EXOC6B: variants seen among roughly 807,000 people sequenced by gnomAD.
EXOC6B encodes exocyst complex component 6B.
EXOC6B carries 54 observed loss-of-function variants against 113.5 expected under a neutral mutation model. That is an observed-to-expected ratio of 0.48 (90% confidence interval 0.38 to 0.60). The LOEUF is 0.60. Ranked by LOEUF, EXOC6B falls within the 20% of genes least tolerant of loss-of-function variation. The pLI is 0.00. For missense variants in EXOC6B, 797 were observed against 977.5 expected, an observed-to-expected ratio of 0.82 and a Z score of 2.46; for synonymous variants, 357 against 339.0, an observed-to-expected ratio of 1.05 and a Z score of -0.58.
chr2:72,478,416 C>T (rs1375312199), intron 17 of EXOC6B, among the ~76,000 whole-genome samples: 1 of 152,202 alleles, frequency 6.6e-6, no homozygotes, highest in Non-Finnish European at 1.5e-5. Flanking sequence ...TTTCTGGAAA[C>T]AGTAGCTTAG....
In EXOC6B at chr2:72,401,562, T is replaced by TAC. The variant is rs1693230954; in HGVS notation, c.1981-21693_1981-21692insGT. Among the ~76,000 whole-genome samples, 11 of 32,108 alleles carry TAC rather than the reference T, an allele frequency of 3.4e-4. 1 individual carries two copies. In the South Asian group the frequency reaches 4.2e-3, roughly 12 times the overall value. 21.1% of individuals were successfully genotyped at this position (32,108 alleles called of 152,430 possible). A position where few individuals can be genotyped will look rare whatever the true frequency, so the allele number is the denominator to read the frequency against. On this transcript the variant is annotated intron_variant, in intron 18 of 21. Coordinates refer to ENST00000272427, the MANE Select transcript of EXOC6B (RefSeq NM_015189.3). ...ATATATATGTGTATATATATATATA[T>TAC]ATACATATATATATATATACATATA... is the stretch of plus-strand genomic sequence containing the variant.
chr2:72,798,839 T>A (rs12185603), intron 1 of EXOC6B, among the ~76,000 whole-genome samples: 3,412 of 152,180 alleles, frequency 0.022, 40 homozygotes, highest in Non-Finnish European at 0.032. Context: ...CCTGTGCAAC[T>A]GGGTAACAAC....
At chr2:72,530,271 T>C (rs940467712) in intron 8 of EXOC6B, among the ~76,000 whole-genome samples, 2 of 152,240 alleles carry the variant, frequency 1.3e-5, no homozygotes, top group African/African-American at 4.8e-5. Context: ...TTTAGTGCTA[T>C]AAATTTCATT....
chr2:72,187,436 A>G (rs6705261), intron 20 of EXOC6B, among the ~76,000 whole-genome samples: 14,818 of 151,912 alleles, frequency 0.098, 1,168 homozygotes, highest in African/African-American at 0.22. Flanking sequence ...ACAGACAAGC[A>G]GAGGATGAGA....
At chr2:72,476,351 C>T (rs1191947903) in intron 17 of EXOC6B, among the ~76,000 whole-genome samples, 1 of 152,206 alleles carries the variant, frequency 6.6e-6, no homozygotes, top group East Asian at 1.9e-4. Flanking sequence ...TATTGAATTA[C>T]AGTGTTCTCT....
chr2:72,441,934 G>A (rs926602795), intron 18 of EXOC6B, among the ~76,000 whole-genome samples: 1 of 152,136 alleles, frequency 6.6e-6, no homozygotes, highest in Non-Finnish European at 1.5e-5. Flanking sequence ...GCAAAACCTG[G>A]CAGAGATAAA....
At position 72,479,505 on chromosome 2, in the gene EXOC6B, A is replaced by C. The variant is rs576698443; in HGVS notation, c.1800+1111T>G. On this transcript the variant is annotated intron_variant, in intron 17 of 21. Coordinates refer to ENST00000272427, the MANE Select transcript of EXOC6B (RefSeq NM_015189.3). Reference sequence around the variant, plus strand: ...CATGGTTCCAACTCTACAACTGTATATTTAATTAATATCAATTTCTGGATC... The same window carrying C: ...CATGGTTCCAACTCTACAACTGTATCTTTAATTAATATCAATTTCTGGATC... Among the ~76,000 whole-genome samples the C allele has an allele frequency of 1.2e-4, 19 of 152,308 alleles. 1 individual carries two copies. Among genetic ancestry groups the C allele is most frequent in the African/African-American group, 4.3e-4 (18 of 41,580 alleles).
At chr2:72,573,759 T>C (rs900392823) in intron 7 of EXOC6B, among the ~76,000 whole-genome samples, 3 of 152,120 alleles carry the variant, frequency 2.0e-5, no homozygotes, top group Non-Finnish European at 4.4e-5. Context: ...AAATGATAAA[T>C]AAAATTATTC....
rs528892739 is a variant in EXOC6B, at chr2:72,801,690, G to A, written c.113+24108C>T. On this transcript the variant is annotated intron_variant, in intron 1 of 21. Transcript: ENST00000272427. ...GATTAAATAATCCTATCAAAACCAC[G>A]ATGGAAATTTGAAGGGGTACTGTAG... 2.5e-3 allele frequency among the ~76,000 whole-genome samples: 388 copies of A among 152,268 alleles called. 2 individuals are homozygous for A. Among genetic ancestry groups the A allele is most frequent in the African/African-American group, 6.9e-3 (286 of 41,546 alleles).
At chr2:72,773,560 G>A (rs188214326) in intron 1 of EXOC6B, among the ~76,000 whole-genome samples, 1 of 150,682 alleles carries the variant, frequency 6.6e-6, no homozygotes, top group East Asian at 1.9e-4. Flanking sequence ...CTATACCTTA[G>A]GTATATACTT....
chr2:72,402,615 C>A (rs979274013), intron 18 of EXOC6B, among the ~76,000 whole-genome samples: 3 of 152,144 alleles, frequency 2.0e-5, no homozygotes, highest in African/African-American at 4.8e-5. Context: ...TTTTGCCAGA[C>A]ATAGAATTCC....
intron 12 of EXOC6B, among the ~76,000 whole-genome samples, 193 bp downstream of exon 12, chr2:72,499,707 TA>T (rs1700225001): frequency 6.6e-6 from 1 of 151,798 alleles, no homozygotes; most frequent in African/African-American, 2.4e-5. Flanking sequence ...TTTATGTTTT[TA>T]TTTTTTGTAT....
intron 11 of EXOC6B, among the ~76,000 whole-genome samples, chr2:72,503,497 G>T (rs1460282596): frequency 6.6e-6 from 1 of 151,994 alleles, no homozygotes; most frequent in Non-Finnish European, 1.5e-5. Context: ...TGCATTTAAG[G>T]TTCCTCTGTG....
intron 1 of EXOC6B, among the ~76,000 whole-genome samples, chr2:72,764,749 T>A (rs1682960899): frequency 1.3e-5 from 2 of 152,198 alleles, no homozygotes; most frequent in African/African-American, 2.4e-5. Context: ...TAAACACATA[T>A]ATTTTGTTCT....
At chr2:72,317,626 A>G (rs556295618) in intron 20 of EXOC6B, among the ~76,000 whole-genome samples, 15 of 151,930 alleles carry the variant, frequency 9.9e-5, no homozygotes, top group African/African-American at 3.4e-4. Flanking sequence ...TAAGAATGAT[A>G]AGCAGTATAA....
rs188720468 is a variant in EXOC6B, at chr2:72,268,985, A to G, written c.2196+65962T>C. Among the ~76,000 whole-genome samples, 399 of 152,272 alleles carry G rather than the reference A, an allele frequency of 2.6e-3. 2 individuals are homozygous for G. Among genetic ancestry groups the G allele is most frequent in the Non-Finnish European group, 4.9e-3 (333 of 68,020 alleles). ...TTTATAGCAATCCAAGAATGGACTAACATACTCATATATGGCTTAAAAGCA... is the reference window on the plus strand; with the variant it reads ...TTTATAGCAATCCAAGAATGGACTAGCATACTCATATATGGCTTAAAAGCA... On this transcript the variant is annotated intron_variant, in intron 20 of 21. Transcript: ENST00000272427.
chr2:72,337,204 C>T (rs762126878), intron 19 of EXOC6B, among the ~76,000 whole-genome samples: 8 of 152,096 alleles, frequency 5.3e-5, no homozygotes, highest in South Asian at 2.1e-4. Flanking sequence ...CTTTGAATTA[C>T]AGCCACAGCT....
At chr2:72,363,469 T>A (rs756009258) in intron 19 of EXOC6B, among the ~76,000 whole-genome samples, 5 of 152,086 alleles carry the variant, frequency 3.3e-5, no homozygotes, top group Non-Finnish European at 5.9e-5. Flanking sequence ...AGAAGCAAAG[T>A]CAATTTATTA....
At chr2:72,264,078 G>T (rs548353323) in intron 20 of EXOC6B, among the ~76,000 whole-genome samples, 1 of 152,210 alleles carries the variant, frequency 6.6e-6, no homozygotes, top group South Asian at 2.1e-4. Flanking sequence ...GTATAAAAAA[G>T]GATAATGAAC....
Sources: gnomAD v4.1 joint callset for allele counts (sites outside exome capture counted in the v4.1 genomes callset) on GRCh38, gnomAD v4.1.1 for gene constraint, MANE v1.5 for transcripts, NCBI Gene and HGNC (gene_info 2026-07-23, HGNC 2026-07-21) for gene names.